The following ZMYND11 variants were observed in gnomAD, a reference collection of about 807,000 sequenced individuals.
ZMYND11 encodes zinc finger MYND-type containing 11.
Under a neutral mutation model 84.9 loss-of-function variants are expected in ZMYND11, and 9 were observed. That is an observed-to-expected ratio of 0.11 (90% CI 0.06 to 0.18). The LOEUF (loss-of-function observed/expected upper bound fraction) is 0.18. ZMYND11 is among the 10% of genes least tolerant of loss of function. The probability of loss-of-function intolerance (pLI) is 1.00; values close to 1 mark genes in which losing one functional copy is unlikely to be tolerated. For missense variants in ZMYND11, 409 were observed against 761.0 expected (o/e 0.54, Z 5.44); for synonymous variants, 250 against 244.1 (o/e 1.02, Z -0.23).
At chr10:174,743 G>A (rs1397016943) in intron 1 of ZMYND11, among the ~76,000 whole-genome samples, 1 of 147,924 alleles carries the variant, frequency 6.8e-6, no homozygotes, top group Non-Finnish European at 1.5e-5. Flanking sequence ...TTCATACATT[G>A]GTCAAAACCC....
chr10:155,881 A>C (rs1184509437), intron 1 of ZMYND11, among the ~76,000 whole-genome samples: 1 of 152,166 alleles, frequency 6.6e-6, no homozygotes, highest in Admixed American at 6.5e-5. Flanking sequence ...TGTACAAGAG[A>C]CTTAAACCAG....
intron 2 of ZMYND11, among the ~76,000 whole-genome samples, chr10:204,180 C>G: frequency 6.6e-6 from 1 of 152,142 alleles, no homozygotes; most frequent in East Asian, 1.9e-4. Context: ...AGGGCTCCCT[C>G]TCCTTTCCTA....
Position 252,307 on chromosome 10 carries a change from C to G in ZMYND11, c.1687-41C>G. On this transcript the variant is annotated intron_variant, in intron 14 of 14. Coordinates refer to ENST00000381604, the MANE Select transcript of ZMYND11 (RefSeq NM_001370100.5). The surrounding 1 kb of genome is among the most constrained non-coding windows in gnomAD (Gnocchi z 4.6). ...CATTTTAACCAGTCGCTTACACATC[C>G]ACACCCAAGTCTAAAGACTGCCCCG... 6.2e-7 allele frequency: 1 copy of G among 1,610,398 alleles called. No homozygotes were observed. The highest frequency in any genetic ancestry group is 2.2e-5 in the East Asian group (1 of 44,770).
rs374927453 is a variant in ZMYND11, at chr10:248,512, T to C, written c.1404T>C (p.His468=). The C allele has an allele frequency of 1.1e-4, 176 of 1,614,150 alleles. No individual in the cohort carries two copies. Among genetic ancestry groups the C allele is most frequent in the Non-Finnish European group, 1.4e-4 (170 of 1,180,030 alleles). ...TNDGVCQSMC[H]DKYTKIFNDF... ...ACGGCGTGTGTCAGAGCATGTGCCA[T>C]GACAAATACACCAAGATCTTCAATG... The change falls in exon 13 of 15, where the codon CAT becomes CAC. Residue 468 remains histidine, a synonymous_variant. Coordinates refer to ENST00000381604, the MANE Select transcript of ZMYND11 (RefSeq NM_001370100.5).
At chr10:145,956 G>T (rs564904971) in intron 1 of ZMYND11, among the ~76,000 whole-genome samples, 1 of 152,124 alleles carries the variant, frequency 6.6e-6, no homozygotes, top group South Asian at 2.1e-4. Flanking sequence ...TCTTTGTCTA[G>T]ACCATTGTCC....
At chr10:215,015 A>G (rs1264711489) in intron 3 of ZMYND11, among the ~76,000 whole-genome samples, 1 of 152,228 alleles carries the variant, frequency 6.6e-6, no homozygotes. Flanking sequence ...TAAATGATGG[A>G]TCATTTGCAG....
intron 2 of ZMYND11, chr10:197,863 A>G (rs1056957882): frequency 4.5e-5 from 24 of 529,948 alleles, no homozygotes; most frequent in African/African-American, 4.1e-4. Context: ...CTTTTTTCCA[A>G]CTACAAAGGA....
At chr10:181,662 A>G (rs1847912972) in intron 2 of ZMYND11, among the ~76,000 whole-genome samples, 1 of 152,212 alleles carries the variant, frequency 6.6e-6, no homozygotes. Flanking sequence ...AAGAGGGAAG[A>G]AAAAAGGAGA....
chr10:164,038 T>G (rs1485098150), intron 1 of ZMYND11, among the ~76,000 whole-genome samples: 2 of 152,176 alleles, frequency 1.3e-5, no homozygotes, highest in African/African-American at 4.8e-5. Flanking sequence ...TTTGATTGAT[T>G]ATGTAGCATT....
intron 10 of ZMYND11, among the ~76,000 whole-genome samples, chr10:243,488 C>CT (rs1491310626): frequency 1.3e-5 from 2 of 152,174 alleles, no homozygotes. Context: ...TAGCTTTATA[C>CT]TGTCTTCAAC....
chr10:249,752 T>C (rs1338194497), intron 14 of ZMYND11: 3 of 985,248 alleles, frequency 3.0e-6, no homozygotes. Flanking sequence ...TAACTTGGTT[T>C]CAGTTTTAAT....
intron 7 of ZMYND11, among the ~76,000 whole-genome samples, chr10:239,756 T>C (rs1251645879): frequency 6.6e-6 from 1 of 152,200 alleles, no homozygotes; most frequent in Admixed American, 6.5e-5. Context: ...TACAGTTTTA[T>C]ATGTATTTGT....
intron 1 of ZMYND11, among the ~76,000 whole-genome samples, chr10:166,131 A>G (rs1554763706): frequency 1.3e-5 from 2 of 152,172 alleles, no homozygotes; most frequent in African/African-American, 4.8e-5. Flanking sequence ...ACCTAAATAT[A>G]AAAGCCAGAA....
At chr10:241,259 T>C (rs753495598) in intron 9 of ZMYND11, among the ~76,000 whole-genome samples, 8 of 152,154 alleles carry the variant, frequency 5.3e-5, no homozygotes, top group Non-Finnish European at 1.0e-4. Context: ...CACCGTAGCC[T>C]TGACCTCCTC....
chr10:200,020 A>G (rs1425292602), intron 2 of ZMYND11, among the ~76,000 whole-genome samples: 1 of 151,786 alleles, frequency 6.6e-6, no homozygotes, highest in East Asian at 1.9e-4. Flanking sequence ...GTGCACTACC[A>G]TGCCTGGCTA....
chr10:233,887 TAGC>T (rs1338186539), intron 4 of ZMYND11, among the ~76,000 whole-genome samples: 3 of 152,238 alleles, frequency 2.0e-5, no homozygotes, highest in Admixed American at 6.5e-5. Context: ...GACACCAAAT[TAGC>T]AGTTCATTTG....
chr10:215,413 C>T lies in ZMYND11; in HGVS notation c.276+5365C>T, dbSNP rs149647097. Among the ~76,000 whole-genome samples, 298 of 152,254 alleles carry T rather than the reference C, an allele frequency of 2.0e-3. 2 individuals carry two copies. The highest frequency in any genetic ancestry group is 6.8e-3 in the African/African-American group (282 of 41,562). On this transcript the variant is annotated intron_variant, in intron 3 of 14. Transcript: ENST00000381604. ...TTCCTTGTCACAGTTAATGCCAGGA[C>T]AAAAATAATGTATGAGTTTAGGAAC...
chr10:206,189 A>G (rs761570480), intron 2 of ZMYND11, among the ~76,000 whole-genome samples: 1 of 152,080 alleles, frequency 6.6e-6, no homozygotes, highest in Non-Finnish European at 1.5e-5. Flanking sequence ...GTGAAACCCC[A>G]TCTCTACTAA....
chr10:230,352 A>G (rs1031108471), intron 4 of ZMYND11, among the ~76,000 whole-genome samples: 2 of 151,978 alleles, frequency 1.3e-5, no homozygotes, highest in Non-Finnish European at 1.5e-5. Context: ...GCGTGCCTGT[A>G]GTCCCAGCTA....
Sources: allele counts gnomAD v4.1 joint callset (sites outside exome capture counted in the v4.1 genomes callset), GRCh38; gene constraint gnomAD v4.1.1; non-coding constraint Gnocchi (gnomAD v3.1); transcripts MANE v1.5; gene names NCBI Gene and HGNC (gene_info 2026-07-23, HGNC 2026-07-21).